The following BIRC6 variants were observed in gnomAD, a reference collection of about 807,000 sequenced individuals.
BIRC6 encodes baculoviral IAP repeat containing 6.
Under a neutral mutation model 503.3 loss-of-function variants are expected in BIRC6, and 98 were observed. The observed-to-expected ratio is 0.19, with a 90% CI of 0.17 to 0.23. The LOEUF is 0.23. BIRC6 is among the 10% of genes least tolerant of loss of function. The probability of loss-of-function intolerance (pLI) is 1.00; values close to 1 mark genes in which losing one functional copy is unlikely to be tolerated. For missense variants in BIRC6, 5,360 were observed against 5,806.0 expected, an observed-to-expected ratio of 0.92 and a Z score of 2.50; for synonymous variants, 2,240 against 2,078.7, an observed-to-expected ratio of 1.08 and a Z score of -2.11.
At chr2:32,578,977 C>G in intron 66 of BIRC6, among the ~76,000 whole-genome samples, 1 of 28,438 alleles carries the variant, frequency 3.5e-5, no homozygotes, top group Non-Finnish European at 7.5e-5. Context: ...TTTTATATAC[C>G]TAATATATAT....
intron 45 of BIRC6, among the ~76,000 whole-genome samples, chr2:32,495,779 T>G (rs1252548649): frequency 2.0e-5 from 3 of 149,712 alleles, no homozygotes; most frequent in Non-Finnish European, 4.4e-5. Flanking sequence ...ATTTTTTGCT[T>G]TCAGGATGAA....
rs576315143 is a variant in BIRC6, at chr2:32,523,560, G to C, written c.11624-1328G>C. 11 of 152,248 alleles carry C rather than the reference G, an allele frequency of 7.2e-5. No homozygotes were observed. In the South Asian group the frequency reaches 2.3e-3, roughly 31 times the overall value. The allele number at this position is 152,248 out of a possible 1,614,324, so 9.4% of individuals were successfully genotyped here. On this transcript the variant is annotated intron_variant, in intron 57 of 73. Coordinates refer to ENST00000421745, the MANE Select transcript of BIRC6 (RefSeq NM_016252.4). Reference sequence around the variant, plus strand: ...TATTGTTGCACCATGCATTTGTTATGTGTATAAAATTTTTTACTTCACAAA... The same window carrying C: ...TATTGTTGCACCATGCATTTGTTATCTGTATAAAATTTTTTACTTCACAAA...
At position 32,442,061 on chromosome 2, in the gene BIRC6, G is replaced by A; in HGVS notation, c.3945-4G>A. On this transcript the variant is annotated splice_polypyrimidine_tract_variant and splice_region_variant and intron_variant, in intron 17 of 73. Transcript: ENST00000421745. The stretch of plus-strand genomic sequence containing the variant: ...TAATGTGTTTATATTTTCTTTTTTT[G>A]TAGAGTGCAACGATGTGCCATGTTA... 2.0e-6 allele frequency: 3 copies of A among 1,522,192 alleles called. No homozygotes were observed. Among genetic ancestry groups the A allele is most frequent in the Non-Finnish European group, 2.6e-6 (3 of 1,138,514 alleles). The allele number at this position is 1,522,192 out of a possible 1,614,324, so 94.3% of individuals were successfully genotyped here. A position where few individuals can be genotyped will look rare whatever the true frequency, so the allele number is the denominator to read the frequency against.
chr2:32,450,944 A>G (rs982794399), intron 22 of BIRC6, among the ~76,000 whole-genome samples: 1 of 152,180 alleles, frequency 6.6e-6, no homozygotes, highest in Non-Finnish European at 1.5e-5. Context: ...TTTCCCCTGA[A>G]TATTTTCTGT....
chr2:32,601,219 C>T (rs893263205), intron 70 of BIRC6, among the ~76,000 whole-genome samples: 2 of 152,204 alleles, frequency 1.3e-5, no homozygotes, highest in Non-Finnish European at 2.9e-5. Context: ...AATGAATTAA[C>T]GTATTTTGCG....
At chr2:32,443,743 G>A (rs564684816) in intron 20 of BIRC6, among the ~76,000 whole-genome samples, 155 bp downstream of exon 20, 1 of 152,284 alleles carries the variant, frequency 6.6e-6, no homozygotes, top group East Asian at 1.9e-4. Context: ...TTGTAGCTGG[G>A]TGGTCATATA....
At chr2:32,504,018 G>A (rs913126969) in intron 49 of BIRC6, among the ~76,000 whole-genome samples, 1 of 102,574 alleles carries the variant, frequency 9.7e-6, no homozygotes, top group Admixed American at 1.1e-4. Context: ...CACTGGGGCG[G>A]GGGGTGGGGG....
In BIRC6 at chr2:32,575,049, G is replaced by A. The variant is rs1362890456; in HGVS notation, c.13145-107G>A. ...AGGCCTGAACCAGCGTGCCCAGCCG[G>A]GTCAGCTGTGGACCTTGGTAAGATC... On this transcript the variant is annotated intron_variant, in intron 65 of 73. Transcript: ENST00000421745. The A allele has an allele frequency of 9.1e-6, 11 of 1,207,476 alleles. No homozygotes were observed. In the East Asian group the frequency reaches 2.3e-4, roughly 26 times the overall value. The allele number at this position is 1,207,476 out of a possible 1,614,324, so 74.8% of individuals were successfully genotyped here.
chr2:32,608,646 A>G (rs1427923418), intron 72 of BIRC6, among the ~76,000 whole-genome samples: 1 of 152,008 alleles, frequency 6.6e-6, no homozygotes, highest in Non-Finnish European at 1.5e-5. Flanking sequence ...TGAACTCCTG[A>G]CCTCAGGTGA....
chr2:32,403,405 T>G (rs967894227), intron 8 of BIRC6, among the ~76,000 whole-genome samples: 2 of 152,188 alleles, frequency 1.3e-5, no homozygotes, highest in Non-Finnish European at 2.9e-5. Context: ...TTTGTAAAAT[T>G]TGTTTTTATT....
At chr2:32,392,249 G>A (rs918576497) in intron 5 of BIRC6, 99 bp downstream of exon 5, 2 of 837,878 alleles carry the variant, frequency 2.4e-6, no homozygotes, top group Non-Finnish European at 3.7e-6. Flanking sequence ...CTTATTTTGT[G>A]CACCTTGTAT....
chr2:32,370,248 A>G (rs1268712886), intron 1 of BIRC6, among the ~76,000 whole-genome samples: 1 of 151,982 alleles, frequency 6.6e-6, no homozygotes, highest in Non-Finnish European at 1.5e-5. Context: ...AGCCCTCTCC[A>G]TGATAAATTT....
intron 1 of BIRC6, among the ~76,000 whole-genome samples, chr2:32,373,108 C>G (rs1457842064): frequency 6.6e-6 from 1 of 152,174 alleles, no homozygotes; most frequent in East Asian, 1.9e-4. Flanking sequence ...GAACTTCATA[C>G]TATCTTTATA....
At chr2:32,559,938 C>T (rs933122226) in intron 65 of BIRC6, among the ~76,000 whole-genome samples, 1 of 151,444 alleles carries the variant, frequency 6.6e-6, no homozygotes, top group South Asian at 2.1e-4. Flanking sequence ...ATTGCCTGAA[C>T]CCGGGAGGCG....
rs972095850 is a variant in BIRC6, at chr2:32,493,793, A to G, written c.8468+126A>G. The G allele has an allele frequency of 7.1e-6, 5 of 703,254 alleles. No homozygotes were observed. The African/African-American group carries it at 7.1e-5, about 10-fold the overall frequency. The allele number at this position is 703,254 out of a possible 1,614,324, so 43.6% of individuals were successfully genotyped here. On this transcript the variant is annotated intron_variant, in intron 45 of 73. Coordinates refer to ENST00000421745, the MANE Select transcript of BIRC6 (RefSeq NM_016252.4). Reference sequence around the variant, plus strand: ...ATAAGCAGGAGGACGGTAGTAATTAAGGGGGAAGGATATATTGGTGTGTTT... The same window carrying G: ...ATAAGCAGGAGGACGGTAGTAATTAGGGGGGAAGGATATATTGGTGTGTTT...
chr2:32,415,347 A>G lies in BIRC6; in HGVS notation c.2056A>G (p.Thr686Ala), dbSNP rs1443730038. The G allele has an allele frequency of 1.2e-6, 2 of 1,614,010 alleles. No homozygotes were observed. Among genetic ancestry groups the G allele is most frequent in the Non-Finnish European group, 1.7e-6 (2 of 1,179,884 alleles). ...EQLLLQDPPV[T>A]YIQQFADAAA... ...GTTGTTATTGCAGGATCCTCCTGTG[A>G]CTTACATTCAGCAATTTGCAGATGC... Residue 686 changes from threonine to alanine, a missense_variant, in exon 10 of 74, where the codon ACT becomes GCT. Coordinates refer to ENST00000421745, the MANE Select transcript of BIRC6 (RefSeq NM_016252.4).
intron 63 of BIRC6, 96 bp from the exon 64 acceptor site, chr2:32,547,754 C>CAT (rs2058153119): frequency 1.8e-6 from 2 of 1,139,832 alleles, no homozygotes; most frequent in Non-Finnish European, 2.4e-6. Flanking sequence ...AACTGTTTTC[C>CAT]ATAGTAGCTT....
chr2:32,397,628 A>G (rs374179072), intron 6 of BIRC6, among the ~76,000 whole-genome samples: 1 of 138,338 alleles, frequency 7.2e-6, no homozygotes, highest in Admixed American at 7.5e-5. Context: ...ATATATATAT[A>G]TGTATATATA....
At chr2:32,490,185 A>T in intron 43 of BIRC6, 34 bp downstream of exon 43, 2 of 1,478,926 alleles carry the variant, frequency 1.4e-6, no homozygotes, top group Non-Finnish European at 1.9e-6. Context: ...TAAATCTCTG[A>T]CATATACTTT....
Sources: gnomAD v4.1 joint callset for allele counts (sites outside exome capture counted in the v4.1 genomes callset) on GRCh38, gnomAD v4.1.1 for gene constraint, MANE v1.5 for transcripts, NCBI Gene and HGNC (gene_info 2026-07-23, HGNC 2026-07-21) for gene names.